The following FIGNL2 variants were observed in gnomAD, a reference collection of about 807,000 sequenced individuals.
The protein encoded by FIGNL2 is fidgetin-like protein 2.
For synonymous variants in FIGNL2, 565 were observed against 484.0 expected, an observed-to-expected ratio of 1.17 and a Z score of -2.20; for missense variants, 1,060 against 950.2, an observed-to-expected ratio of 1.12 and a Z score of -1.52.
chr12:51,823,197 A>C (rs1939264170), intron 1 of FIGNL2, among the ~76,000 whole-genome samples: 1 of 152,198 alleles, frequency 6.6e-6, no homozygotes. Flanking sequence ...CACCTGCTTT[A>C]TTCCCAATAG....
intron 1 of FIGNL2, among the ~76,000 whole-genome samples, chr12:51,829,094 G>GCTCC (rs1023373536): frequency 2.0e-5 from 3 of 152,254 alleles, no homozygotes; most frequent in African/African-American, 7.2e-5. Flanking sequence ...CTGTGAGTCG[G>GCTCC]CTCCAGGCCG....
At chr12:51,826,242 T>G (rs983917701) in intron 1 of FIGNL2, among the ~76,000 whole-genome samples, 5 of 152,162 alleles carry the variant, frequency 3.3e-5, no homozygotes, top group South Asian at 2.1e-4. Flanking sequence ...GGTTCCCCAC[T>G]AGCTACCAGC....
At chr12:51,831,430 T>C (rs1207087537) in intron 1 of FIGNL2, among the ~76,000 whole-genome samples, 1 of 152,052 alleles carries the variant, frequency 6.6e-6, no homozygotes, top group Non-Finnish European at 1.5e-5. Context: ...AAGCAGGTAT[T>C]ATTTGCAGAT....
intron 1 of FIGNL2, among the ~76,000 whole-genome samples, chr12:51,830,725 T>A (rs1219636807): frequency 6.6e-6 from 1 of 152,062 alleles, no homozygotes; most frequent in Non-Finnish European, 1.5e-5. Flanking sequence ...ACTCCTGACC[T>A]CATGATTCGC....
At chr12:51,822,840 G>A (rs1037372042) in intron 1 of FIGNL2, among the ~76,000 whole-genome samples, 19 of 152,228 alleles carry the variant, frequency 1.2e-4, no homozygotes, top group African/African-American at 4.6e-4. Context: ...AGTAAGAGAT[G>A]TTTGTCACCT....
chr12:51,836,828 C>T (rs1939585583), intron 1 of FIGNL2, among the ~76,000 whole-genome samples: 1 of 152,154 alleles, frequency 6.6e-6, no homozygotes, highest in South Asian at 2.1e-4. Context: ...GGTCCTTTGT[C>T]TCTGCCCAGT....
chr12:51,833,045 CT>C (rs199598372), intron 1 of FIGNL2, among the ~76,000 whole-genome samples: 2 of 151,964 alleles, frequency 1.3e-5, no homozygotes, highest in African/African-American at 4.8e-5. Context: ...GCCTCTCTCT[CT>C]TTTTTTTGTT....
At chr12:51,826,555 C>T (rs1268765932) in intron 1 of FIGNL2, among the ~76,000 whole-genome samples, 1 of 148,196 alleles carries the variant, frequency 6.7e-6, no homozygotes, top group Non-Finnish European at 1.5e-5. Flanking sequence ...AGGAGAATAT[C>T]TTGAACCTGG....
rs571504890 is a variant in FIGNL2 at position 51,825,207 on chromosome 12, T to A, written c.-11-2783A>T. Among the ~76,000 whole-genome samples the A allele has an allele frequency of 1.4e-4, 22 of 152,144 alleles. No individual in the cohort carries two copies. The South Asian group carries it at 3.5e-3, about 24-fold the overall frequency. ...ATGATAGCATTTACCCTGAACATATTAAACTGGACAAGCTGGGGAAAAAGA... is the reference window on the plus strand; with the variant it reads ...ATGATAGCATTTACCCTGAACATATAAAACTGGACAAGCTGGGGAAAAAGA... On this transcript the variant is annotated intron_variant, in intron 1 of 1. Transcript: ENST00000618634.
intron 1 of FIGNL2, among the ~76,000 whole-genome samples, chr12:51,837,113 TC>T (rs1233921113): frequency 6.6e-6 from 1 of 151,974 alleles, no homozygotes; most frequent in Non-Finnish European, 1.5e-5. Flanking sequence ...TGGGGAGCTC[TC>T]CTCCCGTCTG....
chr12:51,835,978 T>C (rs1939572895), intron 1 of FIGNL2, among the ~76,000 whole-genome samples: 1 of 151,936 alleles, frequency 6.6e-6, no homozygotes, highest in Non-Finnish European at 1.5e-5. Context: ...ACCTGGCTAA[T>C]TGTTGTATTT....
At position 51,820,867 on chromosome 12, in the gene FIGNL2, G is replaced by A; in HGVS notation, c.1547C>T (p.Ala516Val). The A allele has an allele frequency of 1.4e-6, 2 of 1,406,028 alleles. No individual in the cohort carries two copies. The highest frequency in any genetic ancestry group is 3.4e-5 in the Admixed American group (1 of 29,666). The allele number at this position is 1,406,028 out of a possible 1,614,324, so 87.1% of individuals were successfully genotyped here. A position where few individuals can be genotyped will look rare whatever the true frequency, so the allele number is the denominator to read the frequency against. ...AGGALQVPLL[A>V]CLDGGCGAGA... ...CGCGCCGCAGCCCCCGTCCAGGCAG[G>A]CCAGGAGCGGCACCTGCAGCGCGCC... is the stretch of plus-strand genomic sequence containing the variant. Residue 516 changes from alanine to valine, a missense_variant, in exon 2 of 2, where the codon GCC becomes GTC. By Grantham distance (64) the Ala-to-Val change is moderately conservative. Transcript: ENST00000618634.
chr12:51,830,399 A>G (rs1244919620), intron 1 of FIGNL2, among the ~76,000 whole-genome samples: 1 of 152,202 alleles, frequency 6.6e-6, no homozygotes, highest in Non-Finnish European at 1.5e-5. Context: ...TAGCCATTCC[A>G]CAATGGGTAC....
intron 1 of FIGNL2, among the ~76,000 whole-genome samples, chr12:51,835,821 T>A (rs1383094225): frequency 7.3e-6 from 1 of 136,820 alleles, no homozygotes; most frequent in Non-Finnish European, 1.7e-5. Flanking sequence ...TTTTTTTTTT[T>A]TATAGACAGA....
rs1422706151 is a variant in FIGNL2 at position 51,818,374 on chromosome 12, C to T, written c.*2078G>A. The T allele has an allele frequency of 2.0e-5, 3 of 151,878 alleles. No homozygotes were observed. The highest frequency in any genetic ancestry group is 6.6e-5 in the Admixed American group (1 of 15,250). The allele number at this position is 151,878 out of a possible 1,614,324, so 9.4% of individuals were successfully genotyped here. A position where few individuals can be genotyped will look rare whatever the true frequency, so the allele number is the denominator to read the frequency against. On this transcript the variant is annotated 3_prime_UTR_variant, in exon 2 of 2. Transcript: ENST00000618634. ...CCCCAACTTCCCTGACACCCTCCACCCACCCCCACCCCCCAATACATACAC... is the reference window on the plus strand; with the variant it reads ...CCCCAACTTCCCTGACACCCTCCACTCACCCCCACCCCCCAATACATACAC...
At chr12:51,848,148 C>T in intron 1 of FIGNL2, 1 of 984,684 alleles carries the variant, frequency 1.0e-6, no homozygotes, top group Non-Finnish European at 1.2e-6. Flanking sequence ...GCGGGCCGGC[C>T]CTCGGGCTCC....
rs147832234 is a variant in FIGNL2, at chr12:51,827,771, G to A, written c.-11-5347C>T. On this transcript the variant is annotated intron_variant, in intron 1 of 1. Transcript: ENST00000618634. ...CTAATATGACGGGCCAGTAGCTGAC[G>A]CCATTTCCCCAAAACCCAAGCACTG... Among the ~76,000 whole-genome samples the A allele has an allele frequency of 3.8e-3, 585 of 152,238 alleles. 2 individuals are homozygous for A. The highest frequency in any genetic ancestry group is 0.013 in the African/African-American group (543 of 41,524).
intron 1 of FIGNL2, among the ~76,000 whole-genome samples, chr12:51,830,707 G>C (rs1019281324): frequency 6.6e-6 from 1 of 151,930 alleles, no homozygotes; most frequent in African/African-American, 2.4e-5. Context: ...TGGCCAGGCT[G>C]GTCTCAAACT....
At chr12:51,823,534 C>G (rs1445710239) in intron 1 of FIGNL2, 1 of 152,202 alleles carries the variant, frequency 6.6e-6, no homozygotes, top group Non-Finnish European at 1.5e-5. Flanking sequence ...GTTCCTGACA[C>G]CCCCTTAGCA....
Sources: allele counts gnomAD v4.1 joint callset (sites outside exome capture counted in the v4.1 genomes callset), GRCh38; gene constraint gnomAD v4.1.1; transcripts MANE v1.5; gene names NCBI Gene and HGNC (gene_info 2026-07-23, HGNC 2026-07-21).